CEBPZ: variants seen among roughly 807,000 people sequenced by gnomAD.
CEBPZ encodes the protein CCAAT enhancer binding protein zeta.
Under a neutral mutation model 104.5 loss-of-function variants are expected in CEBPZ, and 78 were observed. The observed-to-expected ratio is 0.75, with a 90% CI of 0.62 to 0.90. The LOEUF (loss-of-function observed/expected upper bound fraction) is 0.90. Among genes scored for constraint, CEBPZ ranks in the 40% least tolerant of loss-of-function variants. The pLI, the probability that CEBPZ is intolerant of heterozygous loss-of-function variation, is 0.00. For missense variants in CEBPZ, 1,439 were observed against 1,233.5 expected (o/e 1.17, Z -2.50); for synonymous variants, 470 against 427.0 (o/e 1.10, Z -1.24).
At position 37,212,391 on chromosome 2, in the gene CEBPZ, G is replaced by C; in HGVS notation, c.2547C>G (p.Asp849Glu). The C allele has an allele frequency of 1.2e-6, 2 of 1,612,482 alleles. No homozygotes were observed. Among genetic ancestry groups the C allele is most frequent in the Middle Eastern group, 3.3e-4 (2 of 6,056 alleles). Reference sequence around the variant, plus strand: ...TGAAACAGTTATCATCTTCAAATGTGTCTGCCAGACAATACAGAAATGTGA... The same window carrying C: ...TGAAACAGTTATCATCTTCAAATGTCTCTGCCAGACAATACAGAAATGTGA... ...VDDEEFEELI[D>E]TFEDDNCFSS... is the part of the protein sequence containing the mutation. The change falls in exon 11 of 16, where the codon GAC becomes GAG. Residue 849 changes from aspartate to glutamate, a missense_variant and splice_region_variant. Coordinates refer to ENST00000234170, the MANE Select transcript of CEBPZ (RefSeq NM_005760.3).
intron 13 of CEBPZ, chr2:37,210,795 A>C: frequency 2.1e-6 from 1 of 474,752 alleles, no homozygotes; most frequent in Non-Finnish European, 3.7e-6. Context: ...TTAAAAAGTG[A>C]ATGAAAAGAT....
intron 11 of CEBPZ, 51 bp downstream of exon 11, chr2:37,212,284 C>A (rs759032639): frequency 1.3e-6 from 2 of 1,520,914 alleles, no homozygotes; most frequent in Non-Finnish European, 1.8e-6. Flanking sequence ...TGAGGGACAA[C>A]AATTTGGGAA....
intron 10 of CEBPZ, chr2:37,212,733 G>A (rs1677762677): frequency 3.9e-6 from 1 of 253,780 alleles, no homozygotes; most frequent in Non-Finnish European, 7.6e-6. Context: ...TTTAATAGGT[G>A]TGATACAATA....
In CEBPZ at chr2:37,227,654, T is replaced by C; in HGVS notation, c.1539A>G (p.Lys513=). 6.2e-7 allele frequency: 1 copy of C among 1,614,194 alleles called. No individual in the cohort carries two copies. ...KVREQIDTLF[K]VLHIVNFNTS... is the part of the protein sequence containing the mutation. ...TATTAAAATTCACAATATGCAACAC[T>C]TTAAACAGTGTGTCAATCTGCTCCC... is the stretch of plus-strand genomic sequence containing the variant. Residue 513 remains lysine, a synonymous_variant, in exon 2 of 16, where the codon AAA becomes AAG. Transcript: ENST00000234170.
intron 2 of CEBPZ, among the ~76,000 whole-genome samples, chr2:37,226,765 G>A (rs1419597861): frequency 6.6e-6 from 1 of 151,978 alleles, no homozygotes; most frequent in East Asian, 1.9e-4. Flanking sequence ...TGAATCAGAA[G>A]GAAATATATT....
Position 37,201,801 on chromosome 2 carries a change from ATC to A in CEBPZ, c.3126_3127del (p.Arg1042SerfsTer2), listed in dbSNP as rs1677255316. ...TTTTTTAGTTTTTTGAGTGGTTTTA[ATC>A]CTCTTCTTTTTAAAATGTTTCTTTT... On this transcript the variant is annotated frameshift_variant, in exon 16 of 16. Transcript: ENST00000234170. LOFTEE classifies it high-confidence loss of function. 6.4e-7 allele frequency: 1 copy of A among 1,564,906 alleles called. No homozygotes were observed. Among genetic ancestry groups the A allele is most frequent in the Admixed American group, 1.7e-5 (1 of 59,910 alleles).
At chr2:37,217,172 C>A in intron 5 of CEBPZ, 135 bp from the exon 6 acceptor site, 1 of 663,202 alleles carries the variant, frequency 1.5e-6, no homozygotes. Context: ...CTCAGGCAGG[C>A]AGATTGCTTG....
At chr2:37,218,439 CAT>C (rs944647556) in intron 5 of CEBPZ, among the ~76,000 whole-genome samples, 5 of 152,168 alleles carry the variant, frequency 3.3e-5, no homozygotes, top group Non-Finnish European at 7.3e-5. Context: ...AATCTGGCCT[CAT>C]GTGTAGAAAA....
rs777861083 is a variant in CEBPZ, at chr2:37,228,297, G to A, written c.896C>T (p.Pro299Leu). The A allele has an allele frequency of 9.9e-6, 16 of 1,614,060 alleles. No individual in the cohort carries two copies. The highest frequency in any genetic ancestry group is 1.4e-5 in the Non-Finnish European group (16 of 1,180,038). The change falls in exon 2 of 16, where the codon CCA (proline) becomes CTA (leucine). Residue 299 changes from proline (P) to leucine (L), a missense_variant. Physicochemically the swap from Pro to Leu is moderately conservative, Grantham distance 98. Coordinates refer to ENST00000234170, the MANE Select transcript of CEBPZ (RefSeq NM_005760.3). Reference sequence around the variant, plus strand: ...GAAAATCCTCAGCTTCCGATTGTCTGGCAAAAGGTCTGTGATAAGCAACTC... The same window carrying A: ...GAAAATCCTCAGCTTCCGATTGTCTAGCAAAAGGTCTGTGATAAGCAACTC... ...FKELLITDLLPDNRKLRIFSQ... is the reference protein window; with the variant it reads ...FKELLITDLLLDNRKLRIFSQ...
At chr2:37,208,951 C>G (rs1320186660) in intron 13 of CEBPZ, 1 of 151,174 alleles carries the variant, frequency 6.6e-6, no homozygotes, top group East Asian at 1.9e-4. Context: ...TTTCAGGATA[C>G]AAAATCAATG....
At chr2:37,220,146 G>A (rs1054391046) in intron 5 of CEBPZ, among the ~76,000 whole-genome samples, 1 of 151,530 alleles carries the variant, frequency 6.6e-6, no homozygotes, top group East Asian at 1.9e-4. Context: ...GTGAAACCCC[G>A]TCTCTACTAA....
chr2:37,222,632 T>G lies in CEBPZ; in HGVS notation c.1882-69A>C. ...AGTTGCAATAAAGTCTGTGCTCCAT[T>G]ATGTGATGCAGAGTTTTACTTATTG... On this transcript the variant is annotated intron_variant, in intron 3 of 15. Transcript: ENST00000234170. The G allele has an allele frequency of 3.5e-6, 4 of 1,135,776 alleles. No homozygotes were observed. The South Asian group carries it at 6.8e-5, about 19-fold the overall frequency. 70.4% of individuals were successfully genotyped at this position (1,135,776 alleles called of 1,614,324 possible). A position where few individuals can be genotyped will look rare whatever the true frequency, so the allele number is the denominator to read the frequency against.
Position 37,211,893 on chromosome 2 carries a change from T to C in CEBPZ, c.2750A>G (p.Asp917Gly). The C allele has an allele frequency of 6.2e-7, 1 of 1,612,002 alleles. No homozygotes were observed. Residue 917 changes from aspartate to glycine, a missense_variant, in exon 12 of 16, where the codon GAT becomes GGT. By Grantham distance (94) the Asp-to-Gly change is moderately conservative (BLOSUM62 -1). Coordinates refer to ENST00000234170, the MANE Select transcript of CEBPZ (RefSeq NM_005760.3). ...TAACACATCCATGAATGTTCCTCCA[T>C]CTTCATCAACTTCAGCAAATTCTTC... is the stretch of plus-strand genomic sequence containing the variant. ...DDEEFAEVDE[D>G]GGTFMDVLDD...
rs750895361 is a variant in CEBPZ at position 37,228,362 on chromosome 2, G to C, written c.831C>G (p.Gly277=). The part of the protein sequence containing the change: ...ETLVNLVKKK[G]SKQQCLMALD... Reference sequence around the variant, plus strand: ...AGGCCATAAGGCACTGCTGTTTGCTGCCCTTCTTTTTAACAAGGTTCACAA... The same window carrying C: ...AGGCCATAAGGCACTGCTGTTTGCTCCCCTTCTTTTTAACAAGGTTCACAA... The change falls in exon 2 of 16, where the codon GGC becomes GGG. Residue 277 remains glycine, a synonymous_variant. Coordinates refer to ENST00000234170, the MANE Select transcript of CEBPZ (RefSeq NM_005760.3). 1.2e-6 allele frequency: 2 copies of C among 1,614,054 alleles called. No individual in the cohort carries two copies. Among genetic ancestry groups the C allele is most frequent in the African/African-American group, 2.7e-5 (2 of 74,906 alleles).
intron 13 of CEBPZ, chr2:37,208,864 T>C (rs1247866271): frequency 1.3e-5 from 2 of 152,082 alleles, no homozygotes; most frequent in Non-Finnish European, 2.9e-5. Flanking sequence ...TATTCACCGA[T>C]GATATGATAG....
chr2:37,211,250 GACTC>G (rs2148347637), intron 12 of CEBPZ, 168 bp from the exon 13 acceptor site: 4 of 442,982 alleles, frequency 9.0e-6, no homozygotes, highest in Non-Finnish European at 1.6e-5. Flanking sequence ...CTGAGAAAAA[GACTC>G]TAAGAATTGG....
At chr2:37,230,146 A>G (rs1665014819) in intron 1 of CEBPZ, among the ~76,000 whole-genome samples, 1 of 152,268 alleles carries the variant, frequency 6.6e-6, no homozygotes, top group African/African-American at 2.4e-5. Flanking sequence ...TAAGACAGAC[A>G]AAATGATTTA....
chr2:37,214,409 C>A (rs1314134296), intron 9 of CEBPZ, among the ~76,000 whole-genome samples: 1 of 152,020 alleles, frequency 6.6e-6, no homozygotes, highest in Non-Finnish European at 1.5e-5. Context: ...TGAATCCATT[C>A]TAAGGGCCAT....
rs753185894 is a variant in CEBPZ, at chr2:37,222,021, C to T, written c.2065+359G>A. Among the ~76,000 whole-genome samples the T allele has an allele frequency of 5.5e-4, 83 of 152,278 alleles. 1 individual carries two copies. The highest frequency in any genetic ancestry group is 1.7e-3 in the African/African-American group (69 of 41,550). On this transcript the variant is annotated intron_variant, in intron 4 of 15. Transcript: ENST00000234170. Reference sequence around the variant, plus strand: ...ACTGTGGGCCAGGTACAGTGGCTCACGCCTGTAATCCCAGCACTTTGGGAG... The same window carrying T: ...ACTGTGGGCCAGGTACAGTGGCTCATGCCTGTAATCCCAGCACTTTGGGAG...
Sources: gnomAD v4.1 joint callset for allele counts (sites outside exome capture counted in the v4.1 genomes callset) on GRCh38, gnomAD v4.1.1 for gene constraint, MANE v1.5 for transcripts, NCBI Gene and HGNC (gene_info 2026-07-23, HGNC 2026-07-21) for gene names.